Variants in ERAP2 observed in about 807,000 individuals in gnomAD.
ERAP2 encodes leukocyte-derived arginine aminopeptidase.
In ERAP2, 118 loss-of-function variants were observed where a neutral mutation model predicts 111.1. That is an observed-to-expected ratio of 1.06 (90% CI 0.92 to 1.24). The LOEUF (loss-of-function observed/expected upper bound fraction) is 1.24, where lower values mean the gene tolerates loss of function less well. Ranked by LOEUF, ERAP2 falls within the 50% of genes most tolerant of loss-of-function variation. ERAP2 has a pLI of 0.00. For synonymous variants in ERAP2, 410 were observed against 401.2 expected (o/e 1.02, Z -0.26); for missense variants, 1,131 against 1,125.8 (o/e 1.00, Z -0.07).
At chr5:96,908,021 T>C (rs1347066647) in intron 13 of ERAP2, among the ~76,000 whole-genome samples, 1 of 152,210 alleles carries the variant, frequency 6.6e-6, no homozygotes, top group Non-Finnish European at 1.5e-5. Context: ...ATTGAGAAGA[T>C]TAAAGGGACA....
Position 96,909,159 on chromosome 5 carries a change from T to A in ERAP2, c.2169+42T>A, listed in dbSNP as rs539380925. On this transcript the variant is annotated intron_variant, in intron 14 of 18. Transcript: ENST00000437043. ...GAAAATGTATTAAGTAAATACACAG[T>A]GTCTGGAGTATCAGTCAGGCTCAGT... is the stretch of plus-strand genomic sequence containing the variant. The A allele has an allele frequency of 4.4e-6, 7 of 1,585,932 alleles. No homozygotes were observed. The East Asian group carries it at 1.3e-4, about 30-fold the overall frequency.
At chr5:96,915,907 T>C (rs2112434313) in intron 18 of ERAP2, 138 bp downstream of exon 18, 3 of 620,550 alleles carry the variant, frequency 4.8e-6, no homozygotes. Flanking sequence ...ATATAGCAAG[T>C]AAATGGAAGG....
At chr5:96,882,487 A>G (rs1783245813) in intron 2 of ERAP2, among the ~76,000 whole-genome samples, 1 of 152,218 alleles carries the variant, frequency 6.6e-6, no homozygotes, top group South Asian at 2.1e-4. Flanking sequence ...ATTGAATCTT[A>G]TGAATCTCTC....
chr5:96,876,393 A>G (rs749526787), upstream of ERAP2: 1 of 152,344 alleles, frequency 6.6e-6, no homozygotes, highest in Non-Finnish European at 1.5e-5. Flanking sequence ...CCTAAGCTCC[A>G]TTCACACCTG....
Position 96,901,625 on chromosome 5 carries a change from G to A in ERAP2, c.1692G>A (p.Glu564=), listed in dbSNP as rs761256293. ...QDGCSLRLQQ[E]RFLQGVFQED... is the part of the protein sequence containing the mutation. ...GGTGTTCACTCCGACTGCAACAGGA[G>A]CGCTTCCTCCAGGGGGTTTTCCAGG... is the stretch of plus-strand genomic sequence containing the variant. The change falls in exon 11 of 19, where the codon GAG becomes GAA. Residue 564 remains glutamate (E), a synonymous_variant. Transcript: ENST00000437043. The A allele has an allele frequency of 1.9e-6, 3 of 1,614,004 alleles. No homozygotes were observed. The African/African-American group carries it at 4.0e-5, about 22-fold the overall frequency.
At chr5:96,901,415 T>C in intron 10 of ERAP2, 91 bp from the exon 11 acceptor site, 1 of 1,409,914 alleles carries the variant, frequency 7.1e-7, no homozygotes, top group Non-Finnish European at 9.8e-7. Context: ...CCAAGCCTTG[T>C]TTCTGGCATC....
Position 96,901,629 on chromosome 5 carries a change from T to C in ERAP2, c.1696T>C (p.Phe566Leu). The C allele has an allele frequency of 6.2e-7, 1 of 1,614,066 alleles. No homozygotes were observed. The highest frequency in any genetic ancestry group is 8.5e-7 in the Non-Finnish European group (1 of 1,179,960). ...GCSLRLQQER[F>L]LQGVFQEDPE... ...TTCACTCCGACTGCAACAGGAGCGC[T>C]TCCTCCAGGGGGTTTTCCAGGAAGA... The change falls in exon 11 of 19, where the codon TTC becomes CTC. Residue 566 changes from phenylalanine (F) to leucine (L), a missense_variant. By Grantham distance (22) the Phe-to-Leu change is conservative. This residue lies in a region of ERAP2 where 847 missense variants were observed against 856.5 expected (regional missense o/e 0.99). Transcript: ENST00000437043.
At chr5:96,880,366 G>C in intron 2 of ERAP2, 106 bp downstream of exon 2, 2 of 964,264 alleles carry the variant, frequency 2.1e-6, no homozygotes, top group Non-Finnish European at 3.0e-6. Flanking sequence ...GAAATCCAGT[G>C]AACTATGGGG....
intron 12 of ERAP2, 88 bp downstream of exon 12, chr5:96,902,441 C>A (rs1581871399): frequency 1.3e-6 from 1 of 764,180 alleles, no homozygotes; most frequent in South Asian, 1.7e-5. Context: ...ATAAGTAAAT[C>A]TAACAATAAA....
Position 96,918,852 on chromosome 5 carries a change from G to A in ERAP2, c.*1247G>A, listed in dbSNP as rs1787712367. On this transcript the variant is annotated 3_prime_UTR_variant, in exon 19 of 19. Transcript: ENST00000437043. ...ATGCAGCACCATATTTTATAACCCA[G>A]CTTTAGCATTTCTTCATATTTTAAG... 6.6e-6 allele frequency: 1 copy of A among 152,136 alleles called. No homozygotes were observed. The highest frequency in any genetic ancestry group is 2.4e-5 in the African/African-American group (1 of 41,424). 9.4% of individuals were successfully genotyped at this position (152,136 alleles called of 1,614,324 possible).
chr5:96,903,474 A>G lies in ERAP2; in HGVS notation c.1926A>G (p.Gln642=). 6.2e-7 allele frequency: 1 copy of G among 1,614,014 alleles called. No homozygotes were observed. Among genetic ancestry groups the G allele is most frequent in the Non-Finnish European group, 8.5e-7 (1 of 1,179,934 alleles). ...IVHYEGHGWD[Q]LITQLNQNHT... ...ACTATGAGGGTCATGGATGGGACCA[A>G]CTCATTACACAGCTGAATCAGAACC... The change falls in exon 13 of 19, where the codon CAA becomes CAG. Residue 642 remains glutamine, a synonymous_variant. Transcript: ENST00000437043.
chr5:96,898,436 T>C (rs1785088284), intron 9 of ERAP2, among the ~76,000 whole-genome samples: 3 of 151,886 alleles, frequency 2.0e-5, no homozygotes, highest in Non-Finnish European at 4.4e-5. Context: ...AAATACATAG[T>C]TTTTACTTAC....
intron 1 of ERAP2, among the ~76,000 whole-genome samples, chr5:96,878,072 T>C (rs1223194694): frequency 3.3e-5 from 5 of 152,132 alleles, no homozygotes. Context: ...AAGAATTGAT[T>C]CCCCCAAATT....
intron 18 of ERAP2, among the ~76,000 whole-genome samples, chr5:96,916,534 G>A (rs1167728256): frequency 6.9e-6 from 1 of 144,976 alleles, no homozygotes; most frequent in African/African-American, 2.6e-5. Context: ...TGCGATCTCG[G>A]CTCACTGCAA....
intron 16 of ERAP2, among the ~76,000 whole-genome samples, chr5:96,913,092 G>A (rs182774344): frequency 2.0e-5 from 3 of 152,246 alleles, no homozygotes; most frequent in East Asian, 1.9e-4. Context: ...ATGTGTAAAT[G>A]ATGCTAATCA....
intron 6 of ERAP2, 92 bp from the exon 7 acceptor site, chr5:96,895,154 T>TA (rs3832368): frequency 0.42 from 283,189 of 674,940 alleles, 55,500 homozygotes; most frequent in Middle Eastern, 0.59. Flanking sequence ...TCCTAACTAA[T>TA]AAAAAAAAAG....
rs937660189 is a variant in ERAP2, at chr5:96,881,775, G to A, written c.575+1515G>A. On this transcript the variant is annotated intron_variant, in intron 2 of 18. Coordinates refer to ENST00000437043, the MANE Select transcript of ERAP2 (RefSeq NM_022350.5). ...TTCTAGGCAGGAAGAAGGGGGACAC[G>A]GGGGAGAGATAAGGGCAAAAAGAAA... Among the ~76,000 whole-genome samples, 5 of 152,120 alleles carry A rather than the reference G, an allele frequency of 3.3e-5. No individual in the cohort carries two copies. The East Asian group carries it at 7.7e-4, about 23-fold the overall frequency.
At chr5:96,888,124 C>G (rs1254226489) in intron 4 of ERAP2, among the ~76,000 whole-genome samples, 1 of 52,476 alleles carries the variant, frequency 1.9e-5, no homozygotes, top group Admixed American at 2.0e-4. Flanking sequence ...GACTTCATCT[C>G]AAAAGAAAAA....
Position 96,896,375 on chromosome 5 carries a change from T to A in ERAP2, c.1242T>A (p.Asp414Glu). Residue 414 changes from aspartate to glutamate, a missense_variant and splice_region_variant, in exon 8 of 19, where the codon GAT (aspartate) becomes GAA (glutamate). Coordinates refer to ENST00000437043, the MANE Select transcript of ERAP2 (RefSeq NM_022350.5). ...TAAACATTTTTCTCCCTGTTTAGGA[T>A]GACTATTTTTTGAATGTGTGTTTTG... ...VNATYPELQFDDYFLNVCFEV... is the reference protein window; with the variant it reads ...VNATYPELQFEDYFLNVCFEV... The A allele has an allele frequency of 6.2e-7, 1 of 1,608,456 alleles. No homozygotes were observed. Among genetic ancestry groups the A allele is most frequent in the Non-Finnish European group, 8.5e-7 (1 of 1,175,968 alleles).
Sources: allele counts gnomAD v4.1 joint callset (sites outside exome capture counted in the v4.1 genomes callset), GRCh38; gene constraint gnomAD v4.1.1; regional missense constraint gnomAD v4.1.1; transcripts MANE v1.5; gene names NCBI Gene and HGNC (gene_info 2026-07-23, HGNC 2026-07-21).